The following SOX6 variants were observed in gnomAD, a reference collection of about 807,000 sequenced individuals.
SOX6 encodes transcription factor SOX-6.
A neutral mutation model predicts 97.8 loss-of-function variants in SOX6; 11 were observed. The ratio of observed to expected loss-of-function variants is 0.11; its 90% CI spans 0.07 to 0.19. The LOEUF is 0.19. Ranked by LOEUF, SOX6 falls within the 10% of genes least tolerant of loss-of-function variation. The probability of loss-of-function intolerance (pLI) is 1.00; values close to 1 mark genes in which losing one functional copy is unlikely to be tolerated. For synonymous variants in SOX6, 360 were observed against 371.4 expected (o/e 0.97, Z 0.35); for missense variants, 810 against 1,039.5 (o/e 0.78, Z 3.04).
At chr11:16,270,350 G>T (rs558774576) in intron 3 of SOX6, among the ~76,000 whole-genome samples, 1 of 151,346 alleles carries the variant, frequency 6.6e-6, no homozygotes, top group South Asian at 2.1e-4. Context: ...AATGACAAAT[G>T]TTTGTTAAGG....
rs1851735394 is a variant in SOX6 at position 16,195,088 on chromosome 11, C to T, written c.536-8133G>A. 3.3e-5 allele frequency among the ~76,000 whole-genome samples: 5 copies of T among 152,178 alleles called. No homozygotes were observed. In the South Asian group the frequency reaches 1.0e-3, roughly 32 times the overall value. ...ACCACCAAGTATTGCAGGATTGGCT[C>T]TTTCTCTAGAAGCTCCATGAGCGTT... On this transcript the variant is annotated intron_variant, in intron 4 of 15. Transcript: ENST00000683767.
At chr11:16,195,600 T>C (rs1366548970) in intron 4 of SOX6, among the ~76,000 whole-genome samples, 1 of 152,206 alleles carries the variant, frequency 6.6e-6, no homozygotes, top group Non-Finnish European at 1.5e-5. Context: ...AAACAGATCT[T>C]GACATTAAGT....
At chr11:16,392,351 G>A (rs867014210) in intron 1 of SOX6, among the ~76,000 whole-genome samples, 1 of 151,934 alleles carries the variant, frequency 6.6e-6, no homozygotes, top group Non-Finnish European at 1.5e-5. Flanking sequence ...CTATATGCCA[G>A]GCACTGTTCT....
chr11:16,106,822 G>A (rs111492558), intron 7 of SOX6, among the ~76,000 whole-genome samples: 1,834 of 152,080 alleles, frequency 0.012, 36 homozygotes, highest in African/African-American at 0.042. Flanking sequence ...CAGAATGGGA[G>A]AAAATATTTG....
chr11:16,133,583 G>T (rs886750336), intron 6 of SOX6, among the ~76,000 whole-genome samples: 1 of 152,262 alleles, frequency 6.6e-6, no homozygotes, highest in East Asian at 1.9e-4. Context: ...AAAATAAAAG[G>T]GAGAGACCAA....
Position 16,680,856 on chromosome 11 carries a change from CAAAG to C in SOX6, n.429+33970_429+33973del, listed in dbSNP as rs555072587. ...TTAAACCAACAAAGATCAAAAGAGA[CAAAG>C]AAGGCCATTACATCATGGTAAAGGG... On this transcript the variant is annotated intron_variant and non_coding_transcript_variant, in intron 3 of 5. Coordinates refer to the SOX6 transcript ENST00000524520. Among the ~76,000 whole-genome samples, 1,109 of 152,252 alleles carry C rather than the reference CAAAG, an allele frequency of 7.3e-3. 10 individuals carry two copies. Among genetic ancestry groups the C allele is most frequent in the African/African-American group, 0.026 (1,061 of 41,552 alleles).
chr11:16,434,844 C>T (rs1000445854), intron 1 of SOX6, among the ~76,000 whole-genome samples: 13 of 152,120 alleles, frequency 8.5e-5, no homozygotes, highest in African/African-American at 2.7e-4. Flanking sequence ...AAAAAAGTGG[C>T]AGTCATAAAT....
At chr11:16,705,370 A>G (rs1848124304) in intron 3 of SOX6, among the ~76,000 whole-genome samples, 1 of 152,160 alleles carries the variant, frequency 6.6e-6, no homozygotes, top group African/African-American at 2.4e-5. Flanking sequence ...CACACCTGTA[A>G]TCCCAATACT....
intron 6 of SOX6, among the ~76,000 whole-genome samples, chr11:16,140,852 T>A (rs1850115166): frequency 6.6e-6 from 1 of 152,186 alleles, no homozygotes; most frequent in Admixed American, 6.5e-5. Context: ...AAAGTGGGTT[T>A]CTTTTCAATT....
intron 1 of SOX6, among the ~76,000 whole-genome samples, chr11:16,394,742 T>C (rs1476433096): frequency 6.6e-6 from 1 of 151,776 alleles, no homozygotes; most frequent in Non-Finnish European, 1.5e-5. Flanking sequence ...GGTATTTTTT[T>C]CTCAACTGTG....
intron 3 of SOX6, among the ~76,000 whole-genome samples, chr11:16,633,605 C>T (rs1848744030): frequency 6.6e-6 from 1 of 152,156 alleles, no homozygotes; most frequent in Admixed American, 6.5e-5. Flanking sequence ...AGACCCAGAG[C>T]AGCATGGAAC....
chr11:16,738,413 G>T (rs1036595304), intron 1 of SOX6: 2 of 296,510 alleles, frequency 6.7e-6, no homozygotes, highest in Non-Finnish European at 1.3e-5. Context: ...AAAGCTCTCG[G>T]CCAACGCTCA....
chr11:16,733,920 A>G (rs1848371124), intron 2 of SOX6, among the ~76,000 whole-genome samples: 1 of 151,140 alleles, frequency 6.6e-6, no homozygotes, highest in Non-Finnish European at 1.5e-5. Context: ...CCAGCTACTC[A>G]GGAGGCTGAG....
Position 16,607,902 on chromosome 11 carries a change from A to C in SOX6, n.609+4179T>G, listed in dbSNP as rs1848354287. On this transcript the variant is annotated intron_variant and non_coding_transcript_variant, in intron 4 of 5. Coordinates refer to the SOX6 transcript ENST00000524520. This position sits in a 1 kb window ranked among gnomAD's most constrained non-coding sequence, Gnocchi z 6.5. ...GGGAGGAGGGCGGGCCGGGGGAAGA[A>C]GGAGGGGAGAGCGGGAGGCAAAGGC... 6.6e-6 allele frequency among the ~76,000 whole-genome samples: 1 copy of C among 151,870 alleles called. No individual in the cohort carries two copies. The highest frequency in any genetic ancestry group is 2.4e-5 in the African/African-American group (1 of 41,342).
At chr11:15,974,451 A>T (rs1163299352) in intron 15 of SOX6, among the ~76,000 whole-genome samples, 1 of 126,580 alleles carries the variant, frequency 7.9e-6, no homozygotes, top group East Asian at 2.2e-4. Flanking sequence ...CAGGTTAGTT[A>T]CATATGTATA....
intron 3 of SOX6, among the ~76,000 whole-genome samples, chr11:16,709,691 T>C (rs1057503258): frequency 3.3e-5 from 5 of 152,198 alleles, no homozygotes; most frequent in African/African-American, 1.2e-4. Context: ...AAACCTCTTT[T>C]CTTTATAAAT....
At chr11:15,994,241 T>C (rs925770518) in intron 13 of SOX6, among the ~76,000 whole-genome samples, 3 of 151,866 alleles carry the variant, frequency 2.0e-5, no homozygotes, top group Admixed American at 2.0e-4. Flanking sequence ...CAGAGATGAA[T>C]ATTAGGGAGG....
At chr11:16,691,156 A>G (rs1356355106) in intron 3 of SOX6, among the ~76,000 whole-genome samples, 1 of 152,222 alleles carries the variant, frequency 6.6e-6, no homozygotes. Flanking sequence ...AATCCTGATA[A>G]CCATCAGAAC....
chr11:16,490,884 C>A (rs1860501411), intron 4 of SOX6, among the ~76,000 whole-genome samples: 1 of 152,052 alleles, frequency 6.6e-6, no homozygotes, highest in African/African-American at 2.4e-5. Context: ...CACCCAACAA[C>A]TGCAACAAGT....
Sources: allele counts gnomAD v4.1 joint callset (sites outside exome capture counted in the v4.1 genomes callset), GRCh38; gene constraint gnomAD v4.1.1; non-coding constraint Gnocchi (gnomAD v3.1); transcripts MANE v1.5; gene names NCBI Gene and HGNC (gene_info 2026-07-23, HGNC 2026-07-21).